Variants in B3GNT2 observed in about 807,000 individuals in gnomAD.
B3GNT2 encodes the protein N-acetyllactosaminide beta-1,3-N-acetylglucosaminyltransferase 2.
Under a neutral mutation model 27.6 loss-of-function variants are expected in B3GNT2, and 12 were observed. That is an observed-to-expected ratio of 0.44 (90% CI 0.28 to 0.71). The LOEUF (loss-of-function observed/expected upper bound fraction) is 0.71. B3GNT2 is among the 30% of genes least tolerant of loss of function. The pLI is 0.17. For missense variants in B3GNT2, 413 were observed against 488.5 expected (o/e 0.85, Z 1.46); for synonymous variants, 192 against 189.7 (o/e 1.01, Z -0.10).
In B3GNT2 at chr2:62,222,624, C is replaced by T. The variant is rs535480021; in HGVS notation, c.404C>T (p.Pro135Leu). The change falls in exon 2 of 2, where the codon CCG becomes CTG. Residue 135 changes from proline to leucine, a missense_variant. Transcript: ENST00000301998. This position sits in a 1 kb window ranked among gnomAD's most constrained non-coding sequence, Gnocchi z 4.2. ...CRNYSLLIDQ[P>L]DKCAKKPFLL... Reference sequence around the variant, plus strand: ...AATTATTCACTGCTTATAGATCAGCCGGATAAGTGTGCAAAGAAACCTTTC... The same window carrying T: ...AATTATTCACTGCTTATAGATCAGCTGGATAAGTGTGCAAAGAAACCTTTC... The T allele has an allele frequency of 3.1e-5, 50 of 1,614,186 alleles. No individual in the cohort carries two copies. The highest frequency in any genetic ancestry group is 5.5e-5 in the South Asian group (5 of 91,086).
intron 1 of B3GNT2, among the ~76,000 whole-genome samples, chr2:62,199,668 C>G (rs1433833324): frequency 6.6e-6 from 1 of 152,196 alleles, no homozygotes; most frequent in Non-Finnish European, 1.5e-5. Flanking sequence ...AAGGTTAAAA[C>G]ATGAATTAAA....
chr2:62,209,085 G>T (rs1674432847), intron 1 of B3GNT2, among the ~76,000 whole-genome samples: 1 of 152,102 alleles, frequency 6.6e-6, no homozygotes, highest in Admixed American at 6.5e-5. Flanking sequence ...CTGCCTCCCG[G>T]GTTCAAGCGC....
intron 1 of B3GNT2, among the ~76,000 whole-genome samples, chr2:62,214,120 C>T (rs1038397424): frequency 1.3e-5 from 2 of 152,178 alleles, no homozygotes; most frequent in Admixed American, 1.3e-4. Flanking sequence ...ACCCTGAGTT[C>T]AACCTCTGGG....
chr2:62,219,282 G>A (rs955549334), intron 1 of B3GNT2, among the ~76,000 whole-genome samples: 1 of 152,152 alleles, frequency 6.6e-6, no homozygotes, highest in African/African-American at 2.4e-5. Flanking sequence ...CCTTTACTGA[G>A]TTAAATTTTT....
rs1337111970 is a variant in B3GNT2 at position 62,222,351 on chromosome 2, C to G, written c.131C>G (p.Pro44Arg). 1 of 1,613,912 alleles carries G rather than the reference C, an allele frequency of 6.2e-7. No individual in the cohort carries two copies. Among genetic ancestry groups the G allele is most frequent in the Admixed American group, 1.7e-5 (1 of 59,978 alleles). The change falls in exon 2 of 2, where the codon CCC (proline) becomes CGC (arginine). Residue 44 changes from proline to arginine, a missense_variant. Physicochemically the swap from Pro to Arg is moderately radical, Grantham distance 103. Transcript: ENST00000301998. This position sits in a 1 kb window ranked among gnomAD's most constrained non-coding sequence, Gnocchi z 4.2. ...EKNGKGEVII[P>R]KEKFWKISTP... is the part of the protein sequence containing the mutation. ...AATGGAAAAGGGGAAGTAATAATACCCAAAGAGAAGTTCTGGAAGATATCT... is the reference window on the plus strand; with the variant it reads ...AATGGAAAAGGGGAAGTAATAATACGCAAAGAGAAGTTCTGGAAGATATCT...
At chr2:62,215,728 T>G (rs1674562313) in intron 1 of B3GNT2, 1 of 152,264 alleles carries the variant, frequency 6.6e-6, no homozygotes, top group African/African-American at 2.4e-5. Flanking sequence ...TTGGGCTCTT[T>G]CTGAGGATTT....
intron 1 of B3GNT2, among the ~76,000 whole-genome samples, chr2:62,211,168 C>T (rs13391308): frequency 0.16 from 23,785 of 151,986 alleles, 2,049 homozygotes; most frequent in Admixed American, 0.23. Context: ...CCAGCCTAGG[C>T]GACATGGCAA....
intron 1 of B3GNT2, among the ~76,000 whole-genome samples, chr2:62,201,471 G>C (rs143325280): frequency 6.4e-4 from 98 of 152,356 alleles, no homozygotes; most frequent in African/African-American, 2.3e-3. Flanking sequence ...TTTCAGAGGT[G>C]AAAGCACAGG....
At position 62,222,596 on chromosome 2, in the gene B3GNT2, C is replaced by T. The variant is rs773474610; in HGVS notation, c.376C>T (p.Arg126Cys). 1.2e-6 allele frequency: 2 copies of T among 1,614,160 alleles called. No homozygotes were observed. The highest frequency in any genetic ancestry group is 1.1e-5 in the South Asian group (1 of 91,068). ...AGACTTTCTGCTGTATTTGAGATGCCGCAATTATTCACTGCTTATAGATCA... is the reference window on the plus strand; with the variant it reads ...AGACTTTCTGCTGTATTTGAGATGCTGCAATTATTCACTGCTTATAGATCA... ...FKDFLLYLRC[R>C]NYSLLIDQPD... Residue 126 changes from arginine (R) to cysteine (C), a missense_variant, in exon 2 of 2, where the codon CGC (arginine) becomes TGC (cysteine). Transcript: ENST00000301998. This position sits in a 1 kb window ranked among gnomAD's most constrained non-coding sequence, Gnocchi z 4.2.
At chr2:62,204,333 C>A (rs1288791312) in intron 1 of B3GNT2, among the ~76,000 whole-genome samples, 4 of 152,196 alleles carry the variant, frequency 2.6e-5, no homozygotes, top group Admixed American at 2.0e-4. Context: ...CTTTGAGAAG[C>A]ACTTAACATC....
At chr2:62,207,359 A>G (rs1314653765) in intron 1 of B3GNT2, among the ~76,000 whole-genome samples, 1 of 151,918 alleles carries the variant, frequency 6.6e-6, no homozygotes, top group Non-Finnish European at 1.5e-5. Context: ...TAATTTTTGT[A>G]TTTTTTGCAG....
Position 62,224,645 on chromosome 2 carries a change from A to T in B3GNT2, c.*1231A>T, listed in dbSNP as rs1449732328. 6.0e-6 allele frequency: 1 copy of T among 167,060 alleles called. No homozygotes were observed. The highest frequency in any genetic ancestry group is 2.4e-5 in the African/African-American group (1 of 41,462). 10.3% of individuals were successfully genotyped at this position (167,060 alleles called of 1,614,324 possible). A position where few individuals can be genotyped will look rare whatever the true frequency, so the allele number is the denominator to read the frequency against. ...ACTATTGTGTAACATACTTTCTTGAAATATTTTTGTTTATAGAATTGAAGG... is the reference window on the plus strand; with the variant it reads ...ACTATTGTGTAACATACTTTCTTGATATATTTTTGTTTATAGAATTGAAGG... On this transcript the variant is annotated 3_prime_UTR_variant, in exon 2 of 2. Transcript: ENST00000301998.
At chr2:62,221,666 CAAATGA>C (rs1455840201) in intron 1 of B3GNT2, among the ~76,000 whole-genome samples, 7 of 152,132 alleles carry the variant, frequency 4.6e-5, no homozygotes, top group Non-Finnish European at 7.4e-5. Flanking sequence ...CAAAGTTTTT[CAAATGA>C]AATAGAAGAG....
chr2:62,211,964 C>A (rs893841922), intron 1 of B3GNT2, among the ~76,000 whole-genome samples: 1 of 152,178 alleles, frequency 6.6e-6, no homozygotes, highest in African/African-American at 2.4e-5. Context: ...CCGCTTTTCC[C>A]CAAACCCCAG....
intron 1 of B3GNT2, among the ~76,000 whole-genome samples, chr2:62,209,007 T>C (rs1262418674): frequency 6.6e-6 from 1 of 152,062 alleles, no homozygotes; most frequent in East Asian, 1.9e-4. Context: ...TTGGTTGTTG[T>C]TGTTGCAGTC....
chr2:62,223,730 C>A lies in B3GNT2; in HGVS notation c.*316C>A. 1 of 244,474 alleles carries A rather than the reference C, an allele frequency of 4.1e-6. No individual in the cohort carries two copies. The highest frequency in any genetic ancestry group is 8.6e-6 in the Non-Finnish European group (1 of 116,864). The allele number at this position is 244,474 out of a possible 1,614,324, so 15.1% of individuals were successfully genotyped here. A position where few individuals can be genotyped will look rare whatever the true frequency, so the allele number is the denominator to read the frequency against. ...TGGCCATTTTAAGTGATTTTGTTTG[C>A]CCTCTTCTATAATATTCCTACTTCC... is the stretch of plus-strand genomic sequence containing the variant. On this transcript the variant is annotated 3_prime_UTR_variant, in exon 2 of 2. Transcript: ENST00000301998.
chr2:62,215,313 T>G (rs989203432), intron 1 of B3GNT2, among the ~76,000 whole-genome samples: 1 of 152,226 alleles, frequency 6.6e-6, no homozygotes, highest in Non-Finnish European at 1.5e-5. Context: ...GACCATCATC[T>G]TAGCTGAGTG....
rs138998287 is a variant in B3GNT2, at chr2:62,223,439, T to C, written c.*25T>C. ...AAATAGATACAAACTCAATTTTGCA[T>C]AGAAAGGTGTATTTTGAATAGTTCC... On this transcript the variant is annotated 3_prime_UTR_variant, in exon 2 of 2. Coordinates refer to ENST00000301998, the MANE Select transcript of B3GNT2 (RefSeq NM_006577.6). The C allele has an allele frequency of 1.3e-6, 2 of 1,536,128 alleles. No individual in the cohort carries two copies. Among genetic ancestry groups the C allele is most frequent in the Admixed American group, 1.8e-5 (1 of 55,232 alleles).
At chr2:62,201,379 G>A (rs1009120165) in intron 1 of B3GNT2, among the ~76,000 whole-genome samples, 12 of 152,196 alleles carry the variant, frequency 7.9e-5, no homozygotes, top group African/African-American at 2.4e-4. Context: ...TGGAGCTTGT[G>A]GAAGAGTTTA....
Sources: allele counts gnomAD v4.1 joint callset (sites outside exome capture counted in the v4.1 genomes callset), GRCh38; gene constraint gnomAD v4.1.1; non-coding constraint Gnocchi (gnomAD v3.1); transcripts MANE v1.5; gene names NCBI Gene and HGNC (gene_info 2026-07-23, HGNC 2026-07-21).